Variants in PPM1H observed in about 807,000 individuals in gnomAD.
The protein encoded by PPM1H is protein phosphatase, Mg2+/Mn2+ dependent 1H.
PPM1H carries 27 observed loss-of-function variants against 54.9 expected under a neutral mutation model. That is an observed-to-expected ratio of 0.49 (90% CI 0.36 to 0.68). The LOEUF is 0.68. PPM1H is among the 30% of genes least tolerant of loss of function. PPM1H has a pLI of 0.00. For missense variants in PPM1H, 596 were observed against 667.8 expected (o/e 0.89, Z 1.19); for synonymous variants, 305 against 270.8 (o/e 1.13, Z -1.24).
intron 4 of PPM1H, among the ~76,000 whole-genome samples, chr12:62,742,825 T>G (rs2076389441): frequency 6.6e-6 from 1 of 152,096 alleles, no homozygotes; most frequent in Non-Finnish European, 1.5e-5. Flanking sequence ...CCATTGGCAA[T>G]CACCTCCCAC....
At chr12:62,903,250 C>T (rs1437753134) in intron 1 of PPM1H, among the ~76,000 whole-genome samples, 1 of 152,138 alleles carries the variant, frequency 6.6e-6, no homozygotes, top group Non-Finnish European at 1.5e-5. Context: ...CTGAAAGCTT[C>T]TTTAATGCTT....
chr12:62,907,725 G>A (rs910808810), intron 1 of PPM1H, among the ~76,000 whole-genome samples: 2 of 152,134 alleles, frequency 1.3e-5, no homozygotes, highest in African/African-American at 4.8e-5. Context: ...ACCAAAAAGA[G>A]GAACTCATCC....
At chr12:62,764,763 G>A (rs2076531352) in intron 4 of PPM1H, among the ~76,000 whole-genome samples, 1 of 152,208 alleles carries the variant, frequency 6.6e-6, no homozygotes, top group African/African-American at 2.4e-5. Flanking sequence ...GGTGGGAGAT[G>A]CCTCAGTCAG....
intron 5 of PPM1H, among the ~76,000 whole-genome samples, chr12:62,725,300 T>G (rs532912772): frequency 1.1e-3 from 166 of 152,328 alleles, no homozygotes; most frequent in African/African-American, 3.8e-3. Flanking sequence ...AAATGGCACC[T>G]TGGCATTTGA....
intron 1 of PPM1H, among the ~76,000 whole-genome samples, chr12:62,913,459 G>A (rs1250020894): frequency 2.0e-5 from 3 of 152,074 alleles, no homozygotes; most frequent in Non-Finnish European, 4.4e-5. Context: ...TTTCCCAGGC[G>A]CATCCTACTC....
intron 4 of PPM1H, among the ~76,000 whole-genome samples, chr12:62,776,556 T>C (rs760357743): frequency 3.3e-5 from 5 of 152,226 alleles, no homozygotes; most frequent in African/African-American, 9.6e-5. Flanking sequence ...GGCTGAACCA[T>C]ACTTGTGCTT....
rs999315655 is a variant in PPM1H at position 62,647,844 on chromosome 12, G to C, written c.*645C>G. ...ACAGAACTTCCTTAGCAGGGTGTTG[G>C]AAAGTCCCAGGCCTGTTCTGTGGAA... On this transcript the variant is annotated 3_prime_UTR_variant, in exon 10 of 10. Transcript: ENST00000228705. 17 of 147,192 alleles carry C rather than the reference G, an allele frequency of 1.2e-4. No individual in the cohort carries two copies. Among genetic ancestry groups the C allele is most frequent in the African/African-American group, 4.3e-4 (17 of 39,364 alleles). 9.1% of individuals were successfully genotyped at this position (147,192 alleles called of 1,614,324 possible).
intron 4 of PPM1H, among the ~76,000 whole-genome samples, chr12:62,753,118 G>A (rs139258201): frequency 6.6e-6 from 1 of 152,278 alleles, no homozygotes; most frequent in East Asian, 1.9e-4. Context: ...TCTAGGGAAT[G>A]CATACAGAAA....
chr12:62,877,010 C>T (rs1212800069), intron 1 of PPM1H, among the ~76,000 whole-genome samples: 3 of 152,296 alleles, frequency 2.0e-5, no homozygotes, highest in East Asian at 3.9e-4. Context: ...TTCTTTCTGC[C>T]CCTACAAACA....
chr12:62,811,068 G>A (rs1229393742), intron 2 of PPM1H, among the ~76,000 whole-genome samples: 3 of 152,166 alleles, frequency 2.0e-5, no homozygotes, highest in Admixed American at 2.0e-4. Flanking sequence ...TCACGTGAGT[G>A]GATAACATGT....
chr12:62,759,828 C>T (rs1453514576), intron 4 of PPM1H, among the ~76,000 whole-genome samples: 1 of 151,882 alleles, frequency 6.6e-6, no homozygotes, highest in Non-Finnish European at 1.5e-5. Flanking sequence ...ACCTCCCACC[C>T]TGTTTCCACT....
chr12:62,655,752 T>C (rs1450708313), intron 9 of PPM1H, among the ~76,000 whole-genome samples: 3 of 152,202 alleles, frequency 2.0e-5, no homozygotes, highest in Non-Finnish European at 2.9e-5. Flanking sequence ...GGAGCAGCCC[T>C]AGTGCCGTCA....
chr12:62,890,717 TACACAC>T (rs5798665), intron 1 of PPM1H, among the ~76,000 whole-genome samples: 6,055 of 143,210 alleles, frequency 0.042, 160 homozygotes, highest in African/African-American at 0.063. Flanking sequence ...TGTGTGTGTA[TACACAC>T]ACACACACAC....
rs1869909786 is a variant in PPM1H, at chr12:62,869,666, C to T, written c.246-37387G>A. ...AACATCCCATCTCCCGCTCAAAGTCCTTGCAAGGACTTCTCAATGCACTTG... is the reference window on the plus strand; with the variant it reads ...AACATCCCATCTCCCGCTCAAAGTCTTTGCAAGGACTTCTCAATGCACTTG... On this transcript the variant is annotated intron_variant, in intron 1 of 9. Transcript: ENST00000228705. 3.3e-5 allele frequency among the ~76,000 whole-genome samples: 5 copies of T among 152,208 alleles called. No individual in the cohort carries two copies. The South Asian group carries it at 1.0e-3, about 32-fold the overall frequency.
chr12:62,791,737 A>G (rs1195562790), intron 3 of PPM1H, among the ~76,000 whole-genome samples: 2 of 152,196 alleles, frequency 1.3e-5, no homozygotes, highest in Admixed American at 1.3e-4. Context: ...CCTGATCAAC[A>G]TGATGAAACC....
chr12:62,892,177 A>C (rs989719123), intron 1 of PPM1H, among the ~76,000 whole-genome samples: 3 of 152,218 alleles, frequency 2.0e-5, no homozygotes, highest in Non-Finnish European at 4.4e-5. Flanking sequence ...GTCTAAATTC[A>C]ACTTTTTTTC....
At position 62,676,813 on chromosome 12, in the gene PPM1H, A is replaced by G. The variant is rs112208557; in HGVS notation, c.1246-9484T>C. ...AGACAGCCAGGGTGTCGTGGATGAC[A>G]TGTCGATGGCAGCAGGAAGCACACA... is the stretch of plus-strand genomic sequence containing the variant. On this transcript the variant is annotated intron_variant, in intron 8 of 9. Transcript: ENST00000228705. 2.3e-3 allele frequency among the ~76,000 whole-genome samples: 348 copies of G among 152,208 alleles called. 1 individual carries two copies. The highest frequency in any genetic ancestry group is 7.8e-3 in the African/African-American group (326 of 41,530).
chr12:62,867,876 C>T (rs1003429300), intron 1 of PPM1H, among the ~76,000 whole-genome samples: 1 of 152,056 alleles, frequency 6.6e-6, no homozygotes, highest in Non-Finnish European at 1.5e-5. Flanking sequence ...TGCCCAAAAA[C>T]CAGTGTTAGG....
At chr12:62,902,945 A>T (rs1263536066) in intron 1 of PPM1H, among the ~76,000 whole-genome samples, 3 of 152,174 alleles carry the variant, frequency 2.0e-5, no homozygotes, top group African/African-American at 7.2e-5. Context: ...CTGCCCCATC[A>T]AATGGGTTGA....
Sources: allele counts gnomAD v4.1 joint callset (sites outside exome capture counted in the v4.1 genomes callset), GRCh38; gene constraint gnomAD v4.1.1; transcripts MANE v1.5; gene names NCBI Gene and HGNC (gene_info 2026-07-23, HGNC 2026-07-21).